Variants in MRPL39 observed in about 807,000 individuals in gnomAD.
MRPL39 encodes the protein mitochondrial ribosomal protein L39.
In MRPL39, 35 loss-of-function variants were observed where a neutral mutation model predicts 44.5. The ratio of observed to expected loss-of-function variants is 0.79; its 90% CI spans 0.60 to 1.04. The LOEUF is 1.04. Ranked by LOEUF, MRPL39 falls within the 50% of genes least tolerant of loss-of-function variation. The pLI is 0.00. For synonymous variants in MRPL39, 139 were observed against 136.1 expected, an observed-to-expected ratio of 1.02 and a Z score of -0.15; for missense variants, 433 against 413.5, an observed-to-expected ratio of 1.05 and a Z score of -0.41.
Position 25,606,612 on chromosome 21 carries a change from T to C in MRPL39, c.117A>G (p.Glu39=), listed in dbSNP as rs763935116. The C allele has an allele frequency of 3.1e-6, 5 of 1,614,010 alleles. No individual in the cohort carries two copies. The highest frequency in any genetic ancestry group is 4.2e-6 in the Non-Finnish European group (5 of 1,179,856). ...TSSASQLSPT[E]LTEMRNDLFN... is the part of the protein sequence containing the mutation. ...AGAGATCATTCCGCATTTCTGTCAATTCTGTCGGTGACAGCTGAGAAGCTG... is the reference window on the plus strand; with the variant it reads ...AGAGATCATTCCGCATTTCTGTCAACTCTGTCGGTGACAGCTGAGAAGCTG... Residue 39 remains glutamate (E), a synonymous_variant, in exon 2 of 10, where the codon GAA becomes GAG. Transcript: ENST00000352957.
chr21:25,603,173 C>T lies in MRPL39; in HGVS notation c.420+623G>A, dbSNP rs532313116. Among the ~76,000 whole-genome samples the T allele has an allele frequency of 2.6e-4, 39 of 152,184 alleles. No homozygotes were observed. In the South Asian group the frequency reaches 7.5e-3, roughly 29 times the overall value. On this transcript the variant is annotated intron_variant, in intron 3 of 9. Coordinates refer to ENST00000352957, the MANE Select transcript of MRPL39 (RefSeq NM_017446.4). ...CCCAGTCTCAGGGAGTTCTTTATAG[C>T]CGTGTGAAAACGGACTAATACAGTG...
intron 5 of MRPL39, 151 bp downstream of exon 5, chr21:25,599,648 A>G: frequency 1.6e-6 from 1 of 639,816 alleles, no homozygotes; most frequent in Non-Finnish European, 2.6e-6. Flanking sequence ...ATAGATAGAC[A>G]GACAGACAGA....
At position 25,606,475 on chromosome 21, in the gene MRPL39, A is replaced by G; in HGVS notation, c.254T>C (p.Ile85Thr). ...CATGGCACAACTGTAGGGAGTTGAAATGTTTTTATTCATCACGAAGACAGT... is the reference window on the plus strand; with the variant it reads ...CATGGCACAACTGTAGGGAGTTGAAGTGTTTTTATTCATCACGAAGACAGT... ...PGTVFVMNKN[I>T]STPYSCAMHL... The change falls in exon 2 of 10, where the codon ATT becomes ACT. Residue 85 changes from isoleucine to threonine, a missense_variant. Coordinates refer to ENST00000352957, the MANE Select transcript of MRPL39 (RefSeq NM_017446.4). 6.2e-7 allele frequency: 1 copy of G among 1,611,108 alleles called. No homozygotes were observed. The highest frequency in any genetic ancestry group is 8.5e-7 in the Non-Finnish European group (1 of 1,178,618).
At chr21:25,596,022 A>G (rs2031345423) in intron 6 of MRPL39, among the ~76,000 whole-genome samples, 1 of 152,244 alleles carries the variant, frequency 6.6e-6, no homozygotes, top group African/African-American at 2.4e-5. Flanking sequence ...TGTTTCAAGA[A>G]AAAGTGTTTC....
At chr21:25,594,861 C>A (rs1281041786) in intron 6 of MRPL39, among the ~76,000 whole-genome samples, 3 of 152,190 alleles carry the variant, frequency 2.0e-5, no homozygotes, top group Non-Finnish European at 2.9e-5. Context: ...TCTTTCCCCG[C>A]CCAAACTTGT....
intron 1 of MRPL39, 44 bp downstream of exon 1, chr21:25,607,359 C>G (rs758381193): frequency 3.1e-6 from 5 of 1,607,802 alleles, no homozygotes; most frequent in African/African-American, 2.7e-5. Flanking sequence ...ACAGACACCA[C>G]TATCTAGGCC....
intron 4 of MRPL39, among the ~76,000 whole-genome samples, chr21:25,600,165 G>T (rs1371537905): frequency 6.6e-6 from 1 of 152,024 alleles, no homozygotes; most frequent in Non-Finnish European, 1.5e-5. Context: ...GGAAGCCAAG[G>T]CAGGTGGATC....
intron 6 of MRPL39, among the ~76,000 whole-genome samples, chr21:25,596,839 C>T (rs923712841): frequency 1.3e-5 from 2 of 152,132 alleles, no homozygotes; most frequent in Non-Finnish European, 2.9e-5. Flanking sequence ...TAAAGAAAAT[C>T]CATCAAATGA....
chr21:25,604,556 T>C (rs191811650), intron 2 of MRPL39, among the ~76,000 whole-genome samples: 224 of 152,322 alleles, frequency 1.5e-3, no homozygotes, highest in Middle Eastern at 0.014. Flanking sequence ...TTCCATGACA[T>C]AGATGCTTCA....
Position 25,606,556 on chromosome 21 carries a change from A to C in MRPL39, c.173T>G (p.Leu58Ter). Reference sequence around the variant, plus strand: ...TTCTATCTTCTCAGTTCGGGGAGTTAATGATAACTGCCTGGCTTTCTCTTT... The same window carrying C: ...TTCTATCTTCTCAGTTCGGGGAGTTCATGATAACTGCCTGGCTTTCTCTTT... ...FNKEKARQLS[L>*]TPRTEKIEVK... The change falls in exon 2 of 10, where the codon TTA (leucine) becomes TGA (stop). Residue 58 changes from leucine (L) to a stop codon, truncating the protein, a stop_gained. Transcript: ENST00000352957. LOFTEE classifies it high-confidence loss of function. The C allele has an allele frequency of 1.2e-6, 2 of 1,613,952 alleles. No homozygotes were observed. The highest frequency in any genetic ancestry group is 1.7e-6 in the Non-Finnish European group (2 of 1,179,812).
intron 1 of MRPL39, 88 bp from the exon 2 acceptor site, chr21:25,606,743 T>C: frequency 1.0e-6 from 1 of 1,001,534 alleles, no homozygotes; most frequent in Non-Finnish European, 1.5e-6. Flanking sequence ...TAAACCAATT[T>C]GTAATATTAA....
At chr21:25,585,871 A>G in intron 9 of MRPL39, 117 bp from the exon 10 acceptor site, 4 of 664,342 alleles carry the variant, frequency 6.0e-6, no homozygotes, top group Non-Finnish European at 1.0e-5. Flanking sequence ...TTCCCCTTAA[A>G]TAGTAGAATA....
At chr21:25,606,721 C>A in intron 1 of MRPL39, 66 bp from the exon 2 acceptor site, 1 of 1,325,166 alleles carries the variant, frequency 7.5e-7, no homozygotes, top group South Asian at 1.3e-5. Flanking sequence ...AAAGTGCGCT[C>A]AGAGGTAAAA....
intron 5 of MRPL39, among the ~76,000 whole-genome samples, chr21:25,597,756 A>G (rs1348141585): frequency 6.6e-6 from 1 of 152,196 alleles, no homozygotes; most frequent in African/African-American, 2.4e-5. Context: ...AAAAATGCCA[A>G]TAAATAAATA....
intron 4 of MRPL39, 51 bp downstream of exon 4, chr21:25,601,317 T>C (rs773946560): frequency 1.7e-5 from 21 of 1,257,208 alleles, no homozygotes; most frequent in Admixed American, 7.9e-5. Flanking sequence ...TCATCAAAAA[T>C]AGGTACCAAA....
At chr21:25,595,111 T>C (rs79867059) in intron 6 of MRPL39, among the ~76,000 whole-genome samples, 12,658 of 152,290 alleles carry the variant, frequency 0.083, 853 homozygotes, top group East Asian at 0.37. Flanking sequence ...CCATTTACTA[T>C]TGAGAGCTTT....
In MRPL39 at chr21:25,593,076, T is replaced by C. The variant is rs1461438063; in HGVS notation, c.768-111A>G. ...CTGCTAACATCCCTAATCAAGAACATTATATATGGTTCAATTCAGTTTCTA... is the reference window on the plus strand; with the variant it reads ...CTGCTAACATCCCTAATCAAGAACACTATATATGGTTCAATTCAGTTTCTA... On this transcript the variant is annotated intron_variant, in intron 7 of 9. Transcript: ENST00000352957. 4 of 920,848 alleles carry C rather than the reference T, an allele frequency of 4.3e-6. No homozygotes were observed. The African/African-American group carries it at 6.7e-5, about 15-fold the overall frequency. 57.0% of individuals were successfully genotyped at this position (920,848 alleles called of 1,614,324 possible).
intron 1 of MRPL39, among the ~76,000 whole-genome samples, chr21:25,607,129 CG>C (rs2123263927): frequency 6.6e-6 from 1 of 152,374 alleles, no homozygotes. Flanking sequence ...GTGCACGGAA[CG>C]TGCGCTGCTT....
intron 6 of MRPL39, among the ~76,000 whole-genome samples, chr21:25,595,155 T>C (rs1242298115): frequency 6.6e-6 from 1 of 152,224 alleles, no homozygotes; most frequent in Non-Finnish European, 1.5e-5. Context: ...ACAAGTAATA[T>C]GTGTAGGTGC....
Sources: gnomAD v4.1 joint callset for allele counts (sites outside exome capture counted in the v4.1 genomes callset) on GRCh38, gnomAD v4.1.1 for gene constraint, MANE v1.5 for transcripts, NCBI Gene and HGNC (gene_info 2026-07-23, HGNC 2026-07-21) for gene names.